The following DRC11 variants were observed in gnomAD, a reference collection of about 807,000 sequenced individuals.
DRC11 encodes dynein regulatory complex subunit 11.
chr2:236,497,215 A>T, the DRC11 span: 2 of 1,613,200 alleles, frequency 1.2e-6, no homozygotes, highest in African/African-American at 2.7e-5. This position sits in a 1 kb window ranked among gnomAD's most constrained non-coding sequence, Gnocchi z 5.1. Flanking sequence ...GAACTCCGTG[A>T]GTTCCAGCTC....
At chr2:236,453,246 T>C in the DRC11 span, among the ~76,000 whole-genome samples, 1 of 152,224 alleles carries the variant, frequency 6.6e-6, no homozygotes, top group South Asian at 2.1e-4. The surrounding 1 kb of genome is among the most constrained non-coding windows in gnomAD (Gnocchi z 4.9). Context: ...TGTACTACTT[T>C]TGAAAAGAAG....
the DRC11 span, among the ~76,000 whole-genome samples, chr2:236,416,755 A>ATATT: frequency 9.8e-5 from 8 of 81,982 alleles, no homozygotes; most frequent in Non-Finnish European, 1.7e-4. Context: ...ATATATATAT[A>ATATT]TATATATATA....
chr2:236,444,594 G>A, the DRC11 span, among the ~76,000 whole-genome samples: 2 of 152,106 alleles, frequency 1.3e-5, no homozygotes, highest in Non-Finnish European at 2.9e-5. Context: ...TCCCATGATG[G>A]TGAGCTCACT....
the DRC11 span, among the ~76,000 whole-genome samples, chr2:236,409,401 T>C: frequency 1.3e-5 from 2 of 152,138 alleles, no homozygotes; most frequent in Non-Finnish European, 2.9e-5. Context: ...ATGATTTGGC[T>C]CTCTGTTTGT....
chr2:236,472,318 TC>T, the DRC11 span, among the ~76,000 whole-genome samples: 2 of 151,958 alleles, frequency 1.3e-5, no homozygotes, highest in East Asian at 3.9e-4. The surrounding 1 kb of genome is among the most constrained non-coding windows in gnomAD (Gnocchi z 4.6). Flanking sequence ...CCTCCACAAT[TC>T]CCCCCTGCAG....
the DRC11 span, among the ~76,000 whole-genome samples, chr2:236,485,254 GTA>G: frequency 5.4e-3 from 823 of 151,106 alleles, 8 homozygotes; most frequent in African/African-American, 0.018. Flanking sequence ...ATATATGTAT[GTA>G]TATATATATA....
chr2:236,313,952 A>G, the DRC11 span, among the ~76,000 whole-genome samples: 2 of 152,296 alleles, frequency 1.3e-5, no homozygotes. This position sits in a 1 kb window ranked among gnomAD's most constrained non-coding sequence, Gnocchi z 4.5. Flanking sequence ...GGGCAGCATG[A>G]GAGATCCTCG....
At chr2:236,489,076 T>G in the DRC11 span, among the ~76,000 whole-genome samples, 5 of 143,468 alleles carry the variant, frequency 3.5e-5, no homozygotes, top group Non-Finnish European at 7.5e-5. Flanking sequence ...GGGTGCATGC[T>G]GGGGCCTGTG....
the DRC11 span, among the ~76,000 whole-genome samples, chr2:236,383,005 C>G: frequency 6.6e-6 from 1 of 152,064 alleles, no homozygotes; most frequent in Non-Finnish European, 1.5e-5. Context: ...ACTAAGAAAC[C>G]AACATTGGTA....
the DRC11 span, among the ~76,000 whole-genome samples, chr2:236,370,415 C>T: frequency 6.6e-6 from 1 of 152,152 alleles, no homozygotes; most frequent in Non-Finnish European, 1.5e-5. This position sits in a 1 kb window ranked among gnomAD's most constrained non-coding sequence, Gnocchi z 5.5. Flanking sequence ...GAGGCAGCCT[C>T]AGAAAGACGA....
chr2:236,370,049 C>T, the DRC11 span, among the ~76,000 whole-genome samples: 28,209 of 152,110 alleles, frequency 0.19, 2,886 homozygotes, highest in Non-Finnish European at 0.23. The surrounding 1 kb of genome is among the most constrained non-coding windows in gnomAD (Gnocchi z 5.5). Context: ...ATAGGGTTGT[C>T]GCAGATAGAT....
chr2:236,308,922 A>G, the DRC11 span, among the ~76,000 whole-genome samples: 1 of 152,220 alleles, frequency 6.6e-6, no homozygotes, highest in Non-Finnish European at 1.5e-5. This position sits in a 1 kb window ranked among gnomAD's most constrained non-coding sequence, Gnocchi z 6.0. Context: ...AGAAAAAAGG[A>G]ACACGTGCTT....
At chr2:236,439,804 T>C in the DRC11 span, among the ~76,000 whole-genome samples, 1 of 152,180 alleles carries the variant, frequency 6.6e-6, no homozygotes, top group Non-Finnish European at 1.5e-5. Flanking sequence ...TTCCAACAGA[T>C]TTAACCTAAC....
chr2:236,493,472 G>A, the DRC11 span, among the ~76,000 whole-genome samples: 1 of 152,210 alleles, frequency 6.6e-6, no homozygotes, highest in Non-Finnish European at 1.5e-5. Flanking sequence ...ACTTCAGCTA[G>A]ATGAATTTGA....
At chr2:236,319,295 C>T in the DRC11 span, among the ~76,000 whole-genome samples, 2,523 of 152,290 alleles carry the variant, frequency 0.017, 71 homozygotes, top group African/African-American at 0.057. The surrounding 1 kb of genome is among the most constrained non-coding windows in gnomAD (Gnocchi z 6.7). Context: ...GCTCAGTTTA[C>T]TCCTCACGAT....
At chr2:236,400,272 C>T in the DRC11 span, among the ~76,000 whole-genome samples, 1 of 152,172 alleles carries the variant, frequency 6.6e-6, no homozygotes, top group Non-Finnish European at 1.5e-5. The surrounding 1 kb of genome is among the most constrained non-coding windows in gnomAD (Gnocchi z 7.9). Flanking sequence ...GTCTAGCTAG[C>T]CTCCCTACCC....
the DRC11 span, chr2:236,368,175 G>T: frequency 1.4e-6 from 2 of 1,466,652 alleles, no homozygotes; most frequent in Non-Finnish European, 1.9e-6. Context: ...AGGCACATCC[G>T]CGCACGCCGA....
the DRC11 span, among the ~76,000 whole-genome samples, chr2:236,499,988 C>T: frequency 6.6e-6 from 1 of 152,134 alleles, no homozygotes; most frequent in Non-Finnish European, 1.5e-5. The surrounding 1 kb of genome is among the most constrained non-coding windows in gnomAD (Gnocchi z 4.7). Flanking sequence ...ACAAACTAAG[C>T]ATCATTTATT....
the DRC11 span, among the ~76,000 whole-genome samples, chr2:236,453,705 T>C: frequency 1.3e-5 from 2 of 151,994 alleles, no homozygotes; most frequent in Admixed American, 6.6e-5. The surrounding 1 kb of genome is among the most constrained non-coding windows in gnomAD (Gnocchi z 4.9). Flanking sequence ...AGTGGTGCAA[T>C]CTCAGCTCAC....
Sources: allele counts gnomAD v4.1 joint callset (sites outside exome capture counted in the v4.1 genomes callset), GRCh38; gene constraint gnomAD v4.1.1; non-coding constraint Gnocchi (gnomAD v3.1); transcripts MANE v1.5; gene names NCBI Gene and HGNC (gene_info 2026-07-23, HGNC 2026-07-21).